The following MGARP variants were observed in gnomAD, a reference collection of about 807,000 sequenced individuals.
The protein encoded by MGARP is mitochondria localized glutamic acid rich protein.
A neutral mutation model predicts 11.0 loss-of-function variants in MGARP; 12 were observed. The ratio of observed to expected loss-of-function variants is 1.09; its 90% CI spans 0.70 to 1.77. The LOEUF is 1.77. Ranked by LOEUF, MGARP falls within the 40% of genes most tolerant of loss-of-function variation. MGARP has a pLI of 0.00. For synonymous variants in MGARP, 110 were observed against 115.4 expected, an observed-to-expected ratio of 0.95 and a Z score of 0.30; for missense variants, 283 against 297.8, an observed-to-expected ratio of 0.95 and a Z score of 0.36.
At chr4:139,276,586 C>T (rs1040458320) in intron 1 of MGARP, among the ~76,000 whole-genome samples, 4 of 152,136 alleles carry the variant, frequency 2.6e-5, no homozygotes, top group Admixed American at 2.6e-4. Flanking sequence ...GTAGCTTATG[C>T]CTGTAATCCC....
intron 1 of MGARP, among the ~76,000 whole-genome samples, chr4:139,276,106 C>T (rs975316151): frequency 8.5e-5 from 13 of 152,242 alleles, no homozygotes; most frequent in African/African-American, 2.6e-4. Flanking sequence ...GAAATTTTTA[C>T]AATAAACTTA....
In MGARP at chr4:139,280,125, C is replaced by G; in HGVS notation, c.34G>C (p.Ala12Pro). ...YLRRAVSKTLALPLRAPPNPA... is the reference protein window; with the variant it reads ...YLRRAVSKTLPLPLRAPPNPA... ...TTGGGGGGCGCCCTCAGCGGCAGCG[C>G]CAGAGTCTTGGAGACCGCCCTGCGG... Residue 12 changes from alanine (A) to proline (P), a missense_variant, in exon 1 of 4, where the codon GCG (alanine) becomes CCG (proline). Ala to Pro is a conservative substitution (Grantham distance 27, BLOSUM62 -1). Coordinates refer to ENST00000398955, the MANE Select transcript of MGARP (RefSeq NM_032623.4). 6.2e-7 allele frequency: 1 copy of G among 1,611,870 alleles called. No individual in the cohort carries two copies. The highest frequency in any genetic ancestry group is 8.5e-7 in the Non-Finnish European group (1 of 1,179,700).
intron 3 of MGARP, 47 bp from the exon 4 acceptor site, chr4:139,267,088 G>A: frequency 6.4e-7 from 1 of 1,572,708 alleles, no homozygotes; most frequent in Non-Finnish European, 8.6e-7. Flanking sequence ...AAGATCGTGG[G>A]AAGGCAATGA....
intron 1 of MGARP, among the ~76,000 whole-genome samples, chr4:139,276,154 C>T (rs947283367): frequency 6.6e-6 from 1 of 152,120 alleles, no homozygotes; most frequent in African/African-American, 2.4e-5. Flanking sequence ...AACTCAAATT[C>T]TTTATTTTAA....
At chr4:139,269,242 ATT>A (rs10554070) in intron 2 of MGARP, among the ~76,000 whole-genome samples, 27,519 of 152,090 alleles carry the variant, frequency 0.18, 2,654 homozygotes, top group South Asian at 0.36. Flanking sequence ...ATATACAAAT[ATT>A]TTCTAGCATT....
chr4:139,266,868 C>T lies in MGARP; in HGVS notation c.454G>A (p.Val152Ile). ...HVEAAPETTA[V>I]SAETGPEVTD... ...ACCTCTGGCCCGGTTTCAGCACTGACTGCTGTGGTCTCCGGAGCAGCCTCC... is the reference window on the plus strand; with the variant it reads ...ACCTCTGGCCCGGTTTCAGCACTGATTGCTGTGGTCTCCGGAGCAGCCTCC... The change falls in exon 4 of 4, where the codon GTC becomes ATC. Residue 152 changes from valine to isoleucine, a missense_variant. Transcript: ENST00000398955. 1.2e-6 allele frequency: 2 copies of T among 1,614,220 alleles called. No individual in the cohort carries two copies. Among genetic ancestry groups the T allele is most frequent in the Non-Finnish European group, 1.7e-6 (2 of 1,180,042 alleles).
Position 139,266,882 on chromosome 4 carries a change from G to A in MGARP, c.440C>T (p.Pro147Leu). ...SACPGHVEAA[P>L]ETTAVSAETG... ...TTCAGCACTGACTGCTGTGGTCTCC[G>A]GAGCAGCCTCCACGTGACCTGGACA... The change falls in exon 4 of 4, where the codon CCG becomes CTG. Residue 147 changes from proline (P) to leucine (L), a missense_variant. Pro to Leu is a moderately conservative substitution (Grantham distance 98). Coordinates refer to ENST00000398955, the MANE Select transcript of MGARP (RefSeq NM_032623.4). The A allele has an allele frequency of 6.2e-7, 1 of 1,614,152 alleles. No individual in the cohort carries two copies. The highest frequency in any genetic ancestry group is 8.5e-7 in the Non-Finnish European group (1 of 1,180,030).
At chr4:139,272,686 C>CTTTTTTTTT (rs774228171) in intron 2 of MGARP, among the ~76,000 whole-genome samples, 5 of 111,236 alleles carry the variant, frequency 4.5e-5, no homozygotes, top group Admixed American at 9.3e-5. Context: ...ATTCATATTT[C>CTTTTTTTTT]TTTTTTTTTT....
chr4:139,268,836 CTCAAG>C, intron 2 of MGARP, 71 bp from the exon 3 acceptor site: 1 of 1,131,960 alleles, frequency 8.8e-7, no homozygotes, highest in Non-Finnish European at 1.3e-6. Context: ...CAAAGGTACA[CTCAAG>C]TCTCCCTGTA....
chr4:139,266,559 C>T lies in MGARP; in HGVS notation c.*40G>A. On this transcript the variant is annotated 3_prime_UTR_variant, in exon 4 of 4. Transcript: ENST00000398955. The stretch of plus-strand genomic sequence containing the variant: ...AAAACACAAAAGCACTTATCAGACA[C>T]CCTATGGCATTTGTTGCTGAAATGT... The T allele has an allele frequency of 6.4e-7, 1 of 1,565,614 alleles. No individual in the cohort carries two copies.
rs1426802234 is a variant in MGARP at position 139,270,802 on chromosome 4, C to T, written c.187-2037G>A. Among the ~76,000 whole-genome samples, 4 of 152,044 alleles carry T rather than the reference C, an allele frequency of 2.6e-5. No individual in the cohort carries two copies. The East Asian group carries it at 7.7e-4, about 29-fold the overall frequency. On this transcript the variant is annotated intron_variant, in intron 2 of 3. Transcript: ENST00000398955. ...CTGTATAAAAGCAAGGAATATTTTCCGAGTAGGGTGTGTGTTCCTGACACC... is the reference window on the plus strand; with the variant it reads ...CTGTATAAAAGCAAGGAATATTTTCTGAGTAGGGTGTGTGTTCCTGACACC...
At chr4:139,267,484 G>A (rs763490504) in intron 3 of MGARP, among the ~76,000 whole-genome samples, 1 of 152,166 alleles carries the variant, frequency 6.6e-6, no homozygotes, top group Non-Finnish European at 1.5e-5. Context: ...GAGTAGCCAA[G>A]TTCCTAGCTG....
chr4:139,273,164 G>A (rs1031894807), intron 2 of MGARP, among the ~76,000 whole-genome samples: 17 of 152,074 alleles, frequency 1.1e-4, no homozygotes, highest in Non-Finnish European at 2.1e-4. Flanking sequence ...GGCCTCCAAC[G>A]TGCTGGGATT....
At position 139,274,489 on chromosome 4, in the gene MGARP, T is replaced by A. The variant is rs545922135; in HGVS notation, c.186+800A>T. ...TTTTTAATAGTTATATTAATTTTTTTAAATTTTTTTTGGAAACAGAGTCTC... is the reference window on the plus strand; with the variant it reads ...TTTTTAATAGTTATATTAATTTTTTAAAATTTTTTTTGGAAACAGAGTCTC... On this transcript the variant is annotated intron_variant, in intron 2 of 3. Coordinates refer to ENST00000398955, the MANE Select transcript of MGARP (RefSeq NM_032623.4). Among the ~76,000 whole-genome samples the A allele has an allele frequency of 1.5e-3, 223 of 152,180 alleles. 1 individual carries two copies. Among genetic ancestry groups the A allele is most frequent in the African/African-American group, 4.0e-3 (165 of 41,554 alleles).
chr4:139,279,048 A>C (rs1196213430), intron 1 of MGARP, among the ~76,000 whole-genome samples: 1 of 152,146 alleles, frequency 6.6e-6, no homozygotes, highest in African/African-American at 2.4e-5. Context: ...TTATCTCGGA[A>C]GGCTCAGAAA....
chr4:139,266,497 G>C lies in MGARP; in HGVS notation c.*102C>G, dbSNP rs1338679675. On this transcript the variant is annotated 3_prime_UTR_variant, in exon 4 of 4. Coordinates refer to ENST00000398955, the MANE Select transcript of MGARP (RefSeq NM_032623.4). The stretch of plus-strand genomic sequence containing the variant: ...CTTCAAGACCCATTAACGTTTTCTA[G>C]AAAATAAGTCTTTTTTTTTTTAAAC... The C allele has an allele frequency of 2.6e-6, 3 of 1,169,654 alleles. No individual in the cohort carries two copies. The East Asian group carries it at 7.7e-5, about 30-fold the overall frequency. 72.5% of individuals were successfully genotyped at this position (1,169,654 alleles called of 1,614,324 possible).
chr4:139,271,573 T>C (rs1037324156), intron 2 of MGARP, among the ~76,000 whole-genome samples: 5 of 152,140 alleles, frequency 3.3e-5, no homozygotes, highest in Admixed American at 6.6e-5. Context: ...CAATGACCCC[T>C]AATAGTCGAG....
In MGARP at chr4:139,275,199, C is replaced by G. The variant is rs557945301; in HGVS notation, c.186+90G>C. Reference sequence around the variant, plus strand: ...TTGCTATGTTGTATATTTAATTAATCTCATGTCCTGATCTTGACGTTGCTT... The same window carrying G: ...TTGCTATGTTGTATATTTAATTAATGTCATGTCCTGATCTTGACGTTGCTT... On this transcript the variant is annotated intron_variant, in intron 2 of 3. Coordinates refer to ENST00000398955, the MANE Select transcript of MGARP (RefSeq NM_032623.4). 10 of 1,006,284 alleles carry G rather than the reference C, an allele frequency of 9.9e-6. No homozygotes were observed. In the East Asian group the frequency reaches 2.0e-4, roughly 20 times the overall value. The allele number at this position is 1,006,284 out of a possible 1,614,324, so 62.3% of individuals were successfully genotyped here. A position where few individuals can be genotyped will look rare whatever the true frequency, so the allele number is the denominator to read the frequency against.
Position 139,267,405 on chromosome 4 carries a change from T to C in MGARP, c.281-364A>G, listed in dbSNP as rs146406613. On this transcript the variant is annotated intron_variant, in intron 3 of 3. Transcript: ENST00000398955. ...AAAAAAACACACTTGAATATATTAC[T>C]TAGGCAAATATGAAGAATACAAAAA... Among the ~76,000 whole-genome samples, 397 of 152,266 alleles carry C rather than the reference T, an allele frequency of 2.6e-3. 2 individuals carry two copies. Among genetic ancestry groups the C allele is most frequent in the African/African-American group, 8.4e-3 (349 of 41,552 alleles).
Sources: allele counts gnomAD v4.1 joint callset (sites outside exome capture counted in the v4.1 genomes callset), GRCh38; gene constraint gnomAD v4.1.1; transcripts MANE v1.5; gene names NCBI Gene and HGNC (gene_info 2026-07-23, HGNC 2026-07-21).